Variants in ODAM observed in about 807,000 individuals in gnomAD.
ODAM encodes the protein odontogenic ameloblast-associated protein.
A neutral mutation model predicts 48.5 loss-of-function variants in ODAM; 55 were observed. That is an observed-to-expected ratio of 1.13 (90% CI 0.91 to 1.42). The LOEUF (loss-of-function observed/expected upper bound fraction) is 1.42, where lower values mean the gene tolerates loss of function less well. Among genes scored for constraint, ODAM ranks in the 40% most tolerant of loss-of-function variants. The pLI, the probability that ODAM is intolerant of heterozygous loss-of-function variation, is 0.00. For missense variants in ODAM, 353 were observed against 323.6 expected, an observed-to-expected ratio of 1.09 and a Z score of -0.70; for synonymous variants, 127 against 107.8, an observed-to-expected ratio of 1.18 and a Z score of -1.10.
In ODAM at chr4:70,196,591, C is replaced by A. The variant is rs61747755; in HGVS notation, c.48C>A (p.Ala16=). The A allele has an allele frequency of 0.13, 203,448 of 1,581,112 alleles. 15,218 individuals are homozygous for A. Among genetic ancestry groups the A allele is most frequent in the South Asian group, 0.22 (19,738 of 88,408 alleles). The change falls in exon 2 of 12, where the codon GCC becomes GCA. Residue 16 remains alanine, a synonymous_variant. Transcript: ENST00000683306. ...GATTCCTGGGAGCCACATTGTCAGC[C>A]CCAGTAAGTGATTTTATGGCACTAC... ...LLGFLGATLS[A]PLIPQRLMSA...
chr4:70,201,164 A>G (rs552870146), intron 7 of ODAM, among the ~76,000 whole-genome samples: 1 of 152,046 alleles, frequency 6.6e-6, no homozygotes, highest in East Asian at 1.9e-4. Flanking sequence ...AAAACCTGGC[A>G]TTACAAATTA....
Position 70,197,204 on chromosome 4 carries a change from G to A in ODAM, c.94-70G>A, listed in dbSNP as rs150728498. The A allele has an allele frequency of 3.3e-5, 25 of 767,906 alleles. No homozygotes were observed. The East Asian group carries it at 6.2e-4, about 19-fold the overall frequency. 47.6% of individuals were successfully genotyped at this position (767,906 alleles called of 1,614,324 possible). On this transcript the variant is annotated intron_variant, in intron 3 of 11. Transcript: ENST00000683306. ...ACCAGCTATGACTTGTGCTATATTT[G>A]CAGTAAACATTGTTCCTACTCATTT...
chr4:70,200,534 G>A lies in ODAM; in HGVS notation c.461G>A (p.Trp154Ter). The stretch of plus-strand genomic sequence containing the variant: ...TATCCAGTTTACATGGTCCTACCCT[G>A]GGAACAACCTCAGCAAACAGTTCCA... ...QYYPVYMVLP[W>*]EQPQQTVPRS... The change falls in exon 7 of 12, where the codon TGG becomes TAG. Residue 154 changes from tryptophan to a stop codon, truncating the protein, a stop_gained. Coordinates refer to ENST00000683306, the MANE Select transcript of ODAM (RefSeq NM_017855.4). LOFTEE classifies it high-confidence loss of function. 6.2e-7 allele frequency: 1 copy of A among 1,610,894 alleles called. No homozygotes were observed. Among genetic ancestry groups the A allele is most frequent in the South Asian group, 1.1e-5 (1 of 90,960 alleles).
Position 70,196,679 on chromosome 4 carries a change from T to A in ODAM, c.52-13T>A. The A allele has an allele frequency of 6.2e-7, 1 of 1,607,236 alleles. No individual in the cohort carries two copies. The highest frequency in any genetic ancestry group is 8.5e-7 in the Non-Finnish European group (1 of 1,176,402). On this transcript the variant is annotated splice_polypyrimidine_tract_variant and intron_variant, in intron 2 of 11. Coordinates refer to ENST00000683306, the MANE Select transcript of ODAM (RefSeq NM_017855.4). Reference sequence around the variant, plus strand: ...TTTACTATTTCTGATTTTTTTTTCATTTTTACTTTTAGCTTATCCCACAGC... The same window carrying A: ...TTTACTATTTCTGATTTTTTTTTCAATTTTACTTTTAGCTTATCCCACAGC...
At position 70,202,322 on chromosome 4, in the gene ODAM, CTG is replaced by C. The variant is rs775364689; in HGVS notation, c.644_645del (p.Val215AspfsTer18). 2.5e-6 allele frequency: 4 copies of C among 1,610,806 alleles called. No homozygotes were observed. The highest frequency in any genetic ancestry group is 3.4e-6 in the Non-Finnish European group (4 of 1,177,652). On this transcript the variant is annotated frameshift_variant, in exon 9 of 12. Coordinates refer to ENST00000683306, the MANE Select transcript of ODAM (RefSeq NM_017855.4). LOFTEE classifies it high-confidence loss of function. Reference sequence around the variant, plus strand: ...CAACTAGGCACAGCTCCTGAAATTGCTGTGATGGTAAGATTCCTTACAACACT... The same window carrying C: ...CAACTAGGCACAGCTCCTGAAATTGCTGATGGTAAGATTCCTTACAACACT...
chr4:70,198,200 G>T (rs1165157176), intron 5 of ODAM, 43 bp downstream of exon 5: 1 of 1,488,362 alleles, frequency 6.7e-7, no homozygotes, highest in Admixed American at 1.9e-5. Context: ...AGAGAGAACT[G>T]CATGTTTAAT....
At chr4:70,203,537 G>T (rs988766878) in intron 11 of ODAM, among the ~76,000 whole-genome samples, 2 of 151,578 alleles carry the variant, frequency 1.3e-5, no homozygotes, top group African/African-American at 4.8e-5. Context: ...ATTTCATTTT[G>T]CAAGTAAACA....
At chr4:70,198,240 T>G in intron 5 of ODAM, 83 bp downstream of exon 5, 1 of 1,141,110 alleles carries the variant, frequency 8.8e-7, no homozygotes, top group Non-Finnish European at 1.3e-6. Context: ...AGCTTTGAAA[T>G]AGGCAGGGGT....
At chr4:70,197,207 G>A (rs1729387931) in intron 3 of ODAM, 67 bp from the exon 4 acceptor site, 1 of 787,826 alleles carries the variant, frequency 1.3e-6, no homozygotes, top group Non-Finnish European at 2.2e-6. Flanking sequence ...TATATTTGCA[G>A]TAAACATTGT....
In ODAM at chr4:70,198,026, C is replaced by T. The variant is rs1226032324; in HGVS notation, c.244C>T (p.Gln82Ter). ...CCAGTTCTCTTTATCAGCTCTAGACCAGTTTGCTGGACTGCTCCCAAATCA... is the reference window on the plus strand; with the variant it reads ...CCAGTTCTCTTTATCAGCTCTAGACTAGTTTGCTGGACTGCTCCCAAATCA... The part of the protein sequence containing the change: ...LSQFSLSALD[Q>*]FAGLLPNQIP... Residue 82 changes from glutamine to a stop codon, truncating the protein, a stop_gained, in exon 5 of 12, where the codon CAG becomes TAG. Transcript: ENST00000683306. LOFTEE classifies it high-confidence loss of function. 1 of 1,613,276 alleles carries T rather than the reference C, an allele frequency of 6.2e-7. No individual in the cohort carries two copies. Among genetic ancestry groups the T allele is most frequent in the Non-Finnish European group, 8.5e-7 (1 of 1,179,538 alleles).
intron 4 of ODAM, 70 bp from the exon 5 acceptor site, chr4:70,197,854 G>T: frequency 1.6e-6 from 2 of 1,267,544 alleles, no homozygotes; most frequent in Non-Finnish European, 2.2e-6. Flanking sequence ...CCTCTTTCTT[G>T]CTCAGGACTA....
At position 70,204,566 on chromosome 4, in the gene ODAM, T is replaced by G. The variant is rs1003819096; in HGVS notation, c.*421T>G. 1.3e-5 allele frequency: 2 copies of G among 151,964 alleles called. No homozygotes were observed. Among genetic ancestry groups the G allele is most frequent in the African/African-American group, 4.8e-5 (2 of 41,406 alleles). The allele number at this position is 151,964 out of a possible 1,614,324, so 9.4% of individuals were successfully genotyped here. A position where few individuals can be genotyped will look rare whatever the true frequency, so the allele number is the denominator to read the frequency against. On this transcript the variant is annotated 3_prime_UTR_variant, in exon 12 of 12. Coordinates refer to ENST00000683306, the MANE Select transcript of ODAM (RefSeq NM_017855.4). Reference sequence around the variant, plus strand: ...TGGAACTGATGAAGTAAAATAAGTATCTAGATTTGACATGTCATCTCTTCA... The same window carrying G: ...TGGAACTGATGAAGTAAAATAAGTAGCTAGATTTGACATGTCATCTCTTCA...
Position 70,202,249 on chromosome 4 carries a change from T to G in ODAM, c.577-9T>G. 6.2e-7 allele frequency: 1 copy of G among 1,609,548 alleles called. No homozygotes were observed. ...GATTTAGACTTTTTAAAACTTTTTG[T>G]GTTTTTAGGCTATATCAGGAGGACA... is the stretch of plus-strand genomic sequence containing the variant. On this transcript the variant is annotated splice_polypyrimidine_tract_variant and intron_variant, in intron 8 of 11. Transcript: ENST00000683306.
At chr4:70,196,876 T>G (rs1322424808) in intron 3 of ODAM, 143 bp downstream of exon 3, 3 of 638,196 alleles carry the variant, frequency 4.7e-6, no homozygotes, top group African/African-American at 1.8e-5. Context: ...TGTCCATGTT[T>G]GATTATATAA....
chr4:70,201,552 A>G, intron 8 of ODAM, 51 bp downstream of exon 8: 1 of 972,486 alleles, frequency 1.0e-6, no homozygotes, highest in Non-Finnish European at 1.6e-6. Flanking sequence ...TACTTCCTTC[A>G]TTGTCTACTA....
intron 4 of ODAM, chr4:70,197,681 T>C (rs1410424065): frequency 1.9e-5 from 11 of 566,164 alleles, no homozygotes; most frequent in Non-Finnish European, 3.1e-5. Context: ...GTGTGGCATA[T>C]GCAGATGTTG....
At chr4:70,202,480 A>G (rs992094657) in intron 9 of ODAM, 151 bp downstream of exon 9, 8 of 727,074 alleles carry the variant, frequency 1.1e-5, no homozygotes, top group Admixed American at 8.9e-5. Flanking sequence ...GTAAAGATTC[A>G]GTTCACTCTT....
intron 5 of ODAM, 42 bp from the exon 6 acceptor site, chr4:70,198,537 A>G (rs368127678): frequency 2.7e-6 from 4 of 1,459,578 alleles, no homozygotes; most frequent in South Asian, 1.2e-5. Context: ...TTTAAATAAC[A>G]AAGTCAAGCA....
At chr4:70,201,567 T>C in intron 8 of ODAM, 66 bp downstream of exon 8, 2 of 868,846 alleles carry the variant, frequency 2.3e-6, no homozygotes, top group Non-Finnish European at 3.8e-6. Flanking sequence ...CTACTAAATC[T>C]ATCAATGCCC....
Sources: allele counts gnomAD v4.1 joint callset (sites outside exome capture counted in the v4.1 genomes callset), GRCh38; gene constraint gnomAD v4.1.1; transcripts MANE v1.5; gene names NCBI Gene and HGNC (gene_info 2026-07-23, HGNC 2026-07-21).